TOB2: variants seen among roughly 807,000 people sequenced by gnomAD.
TOB2 encodes transducer of ERBB2, 2, also known as protein Tob2.
TOB2 carries 3 observed loss-of-function variants against 17.3 expected under a neutral mutation model. That is an observed-to-expected ratio of 0.17 (90% CI 0.08 to 0.45). TOB2 has a LOEUF of 0.45. Among genes scored for constraint, TOB2 ranks in the 20% least tolerant of loss-of-function variants. The pLI is 0.99. For synonymous variants in TOB2, 163 were observed against 185.6 expected (o/e 0.88, Z 0.99); for missense variants, 407 against 445.7 (o/e 0.91, Z 0.78).
chr22:41,436,753 G>C lies in TOB2; in HGVS notation c.593C>G (p.Ala198Gly), dbSNP rs764761202. 6.9e-5 allele frequency: 112 copies of C among 1,613,726 alleles called. No individual in the cohort carries two copies. Among genetic ancestry groups the C allele is most frequent in the Non-Finnish European group, 9.4e-5 (111 of 1,179,896 alleles). ...ACTGCTGGCTACACCCCCACCACTTGCTGCCCCGCCCCCCTTCTTCATCTT... is the reference window on the plus strand; with the variant it reads ...ACTGCTGGCTACACCCCCACCACTTCCTGCCCCGCCCCCCTTCTTCATCTT... ...STKMKKGGGAASGGGVASSGA... is the reference protein window; with the variant it reads ...STKMKKGGGAGSGGGVASSGA... The change falls in exon 2 of 2, where the codon GCA (alanine) becomes GGA (glycine). Residue 198 changes from alanine (A) to glycine (G), a missense_variant. Coordinates refer to ENST00000327492, the MANE Select transcript of TOB2 (RefSeq NM_016272.4). This position sits in a 1 kb window ranked among gnomAD's most constrained non-coding sequence, Gnocchi z 4.8.
intron 1 of TOB2, among the ~76,000 whole-genome samples, chr22:41,440,642 C>T (rs1370160714): frequency 6.6e-6 from 1 of 150,446 alleles, no homozygotes; most frequent in African/African-American, 2.5e-5. Flanking sequence ...TCTCGACTCA[C>T]TGCAACCTCT....
At chr22:41,440,571 CTTT>C (rs928099506) in intron 1 of TOB2, among the ~76,000 whole-genome samples, 5 of 129,524 alleles carry the variant, frequency 3.9e-5, no homozygotes, top group African/African-American at 1.2e-4. Flanking sequence ...CCACACCTGG[CTTT>C]TTTTTTTTTT....
chr22:41,436,941 A>G lies in TOB2; in HGVS notation c.405T>C (p.Pro135=), dbSNP rs189863244. Residue 135 remains proline, a synonymous_variant, in exon 2 of 2, where the codon CCT becomes CCC. Transcript: ENST00000327492. The surrounding 1 kb of genome is among the most constrained non-coding windows in gnomAD (Gnocchi z 4.8). The part of the protein sequence containing the change: ...LDKEIKSSFN[P]DAQVFVPIGS... ...CAATGGGCACGAACACCTGGGCGTCAGGGTTGAAGCTGCTCTTGATCTCCT... is the reference window on the plus strand; with the variant it reads ...CAATGGGCACGAACACCTGGGCGTCGGGGTTGAAGCTGCTCTTGATCTCCT... The G allele has an allele frequency of 1.9e-6, 3 of 1,614,094 alleles. No homozygotes were observed. The African/African-American group carries it at 4.0e-5, about 22-fold the overall frequency.
Position 41,436,834 on chromosome 22 carries a change from G to C in TOB2, c.512C>G (p.Ala171Gly). The C allele has an allele frequency of 6.2e-7, 1 of 1,614,086 alleles. No individual in the cohort carries two copies. Among genetic ancestry groups the C allele is most frequent in the Non-Finnish European group, 8.5e-7 (1 of 1,179,968 alleles). ...GGCGGTGGTGAAGGTGATGGGCTGA[G>C]CGGAGCGGGGAATGAAGGTAGGGCT... ...SPSPTFIPRSAQPITFTTASF... is the reference protein window; with the variant it reads ...SPSPTFIPRSGQPITFTTASF... The change falls in exon 2 of 2, where the codon GCT (alanine) becomes GGT (glycine). Residue 171 changes from alanine (A) to glycine (G), a missense_variant. Ala to Gly is a moderately conservative substitution (Grantham distance 60). Coordinates refer to ENST00000327492, the MANE Select transcript of TOB2 (RefSeq NM_016272.4). This position sits in a 1 kb window ranked among gnomAD's most constrained non-coding sequence, Gnocchi z 4.8.
chr22:41,441,046 G>A (rs768017197), intron 1 of TOB2, among the ~76,000 whole-genome samples: 3 of 152,030 alleles, frequency 2.0e-5, no homozygotes, highest in Admixed American at 6.6e-5. Context: ...GGCCGGGCAC[G>A]GTGACTCACG....
intron 1 of TOB2, among the ~76,000 whole-genome samples, chr22:41,438,265 A>G (rs2037575668): frequency 6.6e-6 from 1 of 152,214 alleles, no homozygotes; most frequent in Admixed American, 6.6e-5. Context: ...GACTCCAGTC[A>G]CATCCATCTG....
chr22:41,436,925 C>G lies in TOB2; in HGVS notation c.421G>C (p.Val141Leu). 1 of 1,614,160 alleles carries G rather than the reference C, an allele frequency of 6.2e-7. No individual in the cohort carries two copies. The highest frequency in any genetic ancestry group is 8.5e-7 in the Non-Finnish European group (1 of 1,180,034). ...SSFNPDAQVFVPIGSQDSSLS... is the reference protein window; with the variant it reads ...SSFNPDAQVFLPIGSQDSSLS... Reference sequence around the variant, plus strand: ...GAGCTGTCCTGGCTGCCAATGGGCACGAACACCTGGGCGTCAGGGTTGAAG... The same window carrying G: ...GAGCTGTCCTGGCTGCCAATGGGCAGGAACACCTGGGCGTCAGGGTTGAAG... Residue 141 changes from valine (V) to leucine (L), a missense_variant, in exon 2 of 2, where the codon GTG (valine) becomes CTG (leucine). Val to Leu is a conservative substitution (Grantham distance 32). Coordinates refer to ENST00000327492, the MANE Select transcript of TOB2 (RefSeq NM_016272.4). This position sits in a 1 kb window ranked among gnomAD's most constrained non-coding sequence, Gnocchi z 4.8.
intron 1 of TOB2, among the ~76,000 whole-genome samples, chr22:41,437,863 T>C (rs1258586606): frequency 7.2e-6 from 1 of 139,420 alleles, no homozygotes; most frequent in Non-Finnish European, 1.5e-5. Context: ...GGCAGGAGAA[T>C]TGCTTCAACC....
rs2037562670 is a variant in TOB2 at position 41,437,144 on chromosome 22, C to G, written c.202G>C (p.Val68Leu). Residue 68 changes from valine (V) to leucine (L), a missense_variant, in exon 2 of 2, where the codon GTG (valine) becomes CTG (leucine). Physicochemically the swap from Val to Leu is conservative, Grantham distance 32. Transcript: ENST00000327492. ...VHIGEMVDPV[V>L]ELAAKRSGLA... ...CCACTCCGCTTGGCGGCCAGCTCCA[C>G]CACGGGGTCCACCATCTCCCCAATG... The G allele has an allele frequency of 6.2e-7, 1 of 1,614,026 alleles. No individual in the cohort carries two copies. The highest frequency in any genetic ancestry group is 8.5e-7 in the Non-Finnish European group (1 of 1,180,000).
intron 1 of TOB2, among the ~76,000 whole-genome samples, chr22:41,437,825 CTGT>C (rs1353794079): frequency 6.6e-6 from 1 of 151,804 alleles, no homozygotes; most frequent in Non-Finnish European, 1.5e-5. Context: ...TGGCGCATGC[CTGT>C]AGTCTCAGCT....
chr22:41,443,306 T>C (rs1601852556), intron 1 of TOB2, among the ~76,000 whole-genome samples: 1 of 152,030 alleles, frequency 6.6e-6, no homozygotes, highest in Admixed American at 6.6e-5. Flanking sequence ...TGCTCTAATG[T>C]CAGAAGCGAA....
chr22:41,445,408 A>T (rs1416300929), intron 1 of TOB2, among the ~76,000 whole-genome samples: 2 of 152,130 alleles, frequency 1.3e-5, no homozygotes, highest in Non-Finnish European at 2.9e-5. Context: ...CAAGAAAGCA[A>T]TAGGATTGTT....
At chr22:41,440,464 G>A (rs2146034918) in intron 1 of TOB2, among the ~76,000 whole-genome samples, 1 of 151,258 alleles carries the variant, frequency 6.6e-6, no homozygotes, top group African/African-American at 2.4e-5. Flanking sequence ...CCCAAGCTAG[G>A]GTGCAGGATC....
rs752005741 is a variant in TOB2 at position 41,436,536 on chromosome 22, G to A, written c.810C>T (p.Leu270=). ...CCTGGCCATCGGCCGCATCAAAGAA[G>A]AGGCTGGGTGAGCCACCACCGTTGT... The part of the protein sequence containing the change: ...FVYNGGGSPS[L]FFDAADGQGS... The change falls in exon 2 of 2, where the codon CTC becomes CTT. Residue 270 remains leucine (L), a synonymous_variant. Transcript: ENST00000327492. This position sits in a 1 kb window ranked among gnomAD's most constrained non-coding sequence, Gnocchi z 4.8. 6.2e-7 allele frequency: 1 copy of A among 1,610,570 alleles called. No homozygotes were observed. Among genetic ancestry groups the A allele is most frequent in the Non-Finnish European group, 8.5e-7 (1 of 1,178,354 alleles).
Sources: allele counts gnomAD v4.1 joint callset (sites outside exome capture counted in the v4.1 genomes callset), GRCh38; gene constraint gnomAD v4.1.1; non-coding constraint Gnocchi (gnomAD v3.1); transcripts MANE v1.5; gene names NCBI Gene and HGNC (gene_info 2026-07-23, HGNC 2026-07-21).